The following ZNF331 variants were observed in gnomAD, a reference collection of about 807,000 sequenced individuals.
ZNF331 encodes C2H2-like zinc finger protein rearranged in thyroid adenomas.
A neutral mutation model predicts 7.0 loss-of-function variants in ZNF331; 2 were observed. That is an observed-to-expected ratio of 0.29 (90% CI 0.12 to 0.90). The LOEUF (loss-of-function observed/expected upper bound fraction) is 0.90. Ranked by LOEUF, ZNF331 falls within the 40% of genes least tolerant of loss-of-function variation. The pLI is 0.58. For synonymous variants in ZNF331, 196 were observed against 205.4 expected, an observed-to-expected ratio of 0.95 and a Z score of 0.39; for missense variants, 432 against 587.7, an observed-to-expected ratio of 0.74 and a Z score of 2.74.
chr19:53,531,582 A>C (rs976675124), intron 2 of ZNF331, among the ~76,000 whole-genome samples: 1 of 152,224 alleles, frequency 6.6e-6, no homozygotes, highest in Non-Finnish European at 1.5e-5. Flanking sequence ...CCTGATTTTC[A>C]TATCACAGCC....
chr19:53,530,161 C>A (rs3974965), intron 2 of ZNF331, among the ~76,000 whole-genome samples: 2,221 of 151,820 alleles, frequency 0.015, 52 homozygotes, highest in African/African-American at 0.05. Context: ...GGACACAGCG[C>A]TGGCGGGAGG....
intron 3 of ZNF331, among the ~76,000 whole-genome samples, chr19:53,568,725 G>A (rs1042858531): frequency 1.3e-5 from 2 of 148,202 alleles, no homozygotes; most frequent in African/African-American, 2.5e-5. Context: ...GAGCCCTCCT[G>A]TTAAATTGTC....
intron 2 of ZNF331, among the ~76,000 whole-genome samples, chr19:53,544,223 CAA>C (rs749703319): frequency 2.6e-5 from 3 of 114,206 alleles, no homozygotes; most frequent in Non-Finnish European, 3.7e-5. Context: ...GACTCCGTCT[CAA>C]AAAAAAAAAA....
At chr19:53,550,843 C>CTTTTTTTTTTTTTTTTTTTT (rs752603959) in intron 2 of ZNF331, among the ~76,000 whole-genome samples, 1 of 129,548 alleles carries the variant, frequency 7.7e-6, no homozygotes, top group African/African-American at 2.9e-5. Flanking sequence ...GGCCGTTAAT[C>CTTTTTTTTTTTTTTTTTTTT]TTTTTTTTTT....
At chr19:53,555,074 C>T (rs997976446) in intron 2 of ZNF331, among the ~76,000 whole-genome samples, 11 of 152,122 alleles carry the variant, frequency 7.2e-5, no homozygotes, top group Admixed American at 5.2e-4. Context: ...TCAGTGCAGG[C>T]TTGTGCTGGG....
In ZNF331 at chr19:53,559,607, AC is replaced by A. The variant is rs1426510091; in HGVS notation, c.-74+3703del. 5.1e-5 allele frequency among the ~76,000 whole-genome samples: 7 copies of A among 136,906 alleles called. No individual in the cohort carries two copies. The South Asian group carries it at 1.5e-3, about 30-fold the overall frequency. 89.8% of individuals were successfully genotyped at this position (136,906 alleles called of 152,430 possible). The stretch of plus-strand genomic sequence containing the variant: ...TACACATTCATACATGTACATACAC[AC>A]CCCATATATACACACATATACACAC... On this transcript the variant is annotated intron_variant, in intron 3 of 5. Transcript: ENST00000449416.
At chr19:53,526,999 A>C (rs976123058) in intron 2 of ZNF331, among the ~76,000 whole-genome samples, 34 of 151,134 alleles carry the variant, frequency 2.2e-4, no homozygotes, top group African/African-American at 8.0e-4. Context: ...GACCAGCCTG[A>C]CCAACATGGT....
At chr19:53,570,916 C>T (rs1285159929) in intron 4 of ZNF331, among the ~76,000 whole-genome samples, 1 of 148,316 alleles carries the variant, frequency 6.7e-6, no homozygotes, top group East Asian at 2.0e-4. Flanking sequence ...GAGTGCAGTG[C>T]CACAATCTCC....
intron 2 of ZNF331, among the ~76,000 whole-genome samples, chr19:53,551,321 C>T (rs953750): frequency 0.34 from 51,883 of 152,028 alleles, 9,419 homozygotes; most frequent in Middle Eastern, 0.43. Context: ...TCCTCCACTT[C>T]CCCTCTAAAC....
At position 53,576,937 on chromosome 19, in the gene ZNF331, A is replaced by T. The variant is rs776403470; in HGVS notation, c.377A>T (p.His126Leu). 1.9e-6 allele frequency: 3 copies of T among 1,614,128 alleles called. No individual in the cohort carries two copies. The highest frequency in any genetic ancestry group is 8.5e-7 in the Non-Finnish European group (1 of 1,180,060). ...GTPPRTHQRH[H>L]KENSFECKDC... ...CCTCCTAGAACACATCAGAGACATC[A>T]TAAGGAGAATTCCTTTGAATGTAAG... The change falls in exon 6 of 6, where the codon CAT becomes CTT. Residue 126 changes from histidine (H) to leucine (L), a missense_variant. By Grantham distance (99) the His-to-Leu change is moderately conservative. Around this residue, in one of 3 missense-constraint regions of ZNF331, gnomAD observed 312 missense variants for 448.6 expected, o/e 0.70. Transcript: ENST00000449416.
Position 53,578,384 on chromosome 19 carries a change from C to T in ZNF331, c.*432C>T, listed in dbSNP as rs553281268. The T allele has an allele frequency of 1.3e-5, 3 of 236,034 alleles. No homozygotes were observed. The highest frequency in any genetic ancestry group is 1.3e-3 in the Middle Eastern group (1 of 782). 14.6% of individuals were successfully genotyped at this position (236,034 alleles called of 1,614,324 possible). On this transcript the variant is annotated 3_prime_UTR_variant, in exon 6 of 6. Coordinates refer to ENST00000449416, the MANE Select transcript of ZNF331 (RefSeq NM_001079906.2). ...TAAATGAAAAGGTGAAAGTTCTCAACTTAAAAAAGAAAAGAAAAAAATCAT... is the reference window on the plus strand; with the variant it reads ...TAAATGAAAAGGTGAAAGTTCTCAATTTAAAAAAGAAAAGAAAAAAATCAT...
exon 1 of ZNF331, chr19:53,521,536 A>G (rs962192899): frequency 3.9e-5 from 6 of 152,050 alleles, no homozygotes; most frequent in African/African-American, 1.5e-4. Context: ...GTAGACGTCT[A>G]TGAGGGCCAT....
At chr19:53,513,129 T>C in the ZNF331 span, among the ~76,000 whole-genome samples, 1 of 151,336 alleles carries the variant, frequency 6.6e-6, no homozygotes, top group Non-Finnish European at 1.5e-5. Context: ...CTGTCCCCAG[T>C]TCCTCTCTGG....
At chr19:53,519,927 G>A (rs2087003530), upstream of ZNF331, among the ~76,000 whole-genome samples, 1 of 152,134 alleles carries the variant, frequency 6.6e-6, no homozygotes, top group Non-Finnish European at 1.5e-5. Context: ...TCCAGCTCGG[G>A]GCTGTATTTC....
intron 2 of ZNF331, among the ~76,000 whole-genome samples, chr19:53,544,689 G>A (rs1430658788): frequency 6.6e-6 from 1 of 152,116 alleles, no homozygotes; most frequent in Non-Finnish European, 1.5e-5. Context: ...TAAGATCAAG[G>A]AGGGAATCTG....
At position 53,560,244 on chromosome 19, in the gene ZNF331, T is replaced by G. The variant is rs1281442821; in HGVS notation, c.-74+4336T>G. On this transcript the variant is annotated intron_variant, in intron 3 of 5. Coordinates refer to ENST00000449416, the MANE Select transcript of ZNF331 (RefSeq NM_001079906.2). This position sits in a 1 kb window ranked among gnomAD's most constrained non-coding sequence, Gnocchi z 4.3. ...CATATATACACATCCACACCATATA[T>G]ACACACACCATGCACCCACATATAT... 6.7e-6 allele frequency among the ~76,000 whole-genome samples: 1 copy of G among 148,698 alleles called. No homozygotes were observed. Among genetic ancestry groups the G allele is most frequent in the African/African-American group, 2.5e-5 (1 of 40,188 alleles).
At chr19:53,570,378 T>C (rs1202378966) in intron 4 of ZNF331, among the ~76,000 whole-genome samples, 2 of 152,104 alleles carry the variant, frequency 1.3e-5, no homozygotes, top group African/African-American at 2.4e-5. Context: ...GGAGAAAGCC[T>C]TAGGTGTTTT....
chr19:53,561,003 C>T (rs562692108), intron 3 of ZNF331, among the ~76,000 whole-genome samples: 3 of 152,164 alleles, frequency 2.0e-5, no homozygotes, highest in East Asian at 3.9e-4. Flanking sequence ...TACAAAAATA[C>T]AAAAGTTAGC....
At chr19:53,569,268 T>C (rs2090323977) in intron 3 of ZNF331, 36 bp from the exon 4 acceptor site, 18 of 1,255,892 alleles carry the variant, frequency 1.4e-5, no homozygotes, top group Non-Finnish European at 2.1e-5. Flanking sequence ...GGACCCCAGA[T>C]GCACCTCGTT....
Sources: allele counts gnomAD v4.1 joint callset (sites outside exome capture counted in the v4.1 genomes callset), GRCh38; gene constraint gnomAD v4.1.1; regional missense constraint gnomAD v4.1.1; non-coding constraint Gnocchi (gnomAD v3.1); transcripts MANE v1.5; gene names NCBI Gene and HGNC (gene_info 2026-07-23, HGNC 2026-07-21).